RASA1: variants seen among roughly 807,000 people sequenced by gnomAD.
RASA1 encodes the protein ras GTPase-activating protein 1.
A neutral mutation model predicts 132.2 loss-of-function variants in RASA1; 25 were observed. The ratio of observed to expected loss-of-function variants is 0.19; its 90% confidence interval spans 0.14 to 0.26. RASA1 has a LOEUF of 0.26. Ranked by LOEUF, RASA1 falls within the 10% of genes least tolerant of loss-of-function variation. RASA1 has a pLI of 1.00. For missense variants in RASA1, 964 were observed against 1,299.2 expected (o/e 0.74, Z 3.97); for synonymous variants, 477 against 449.9 (o/e 1.06, Z -0.76).
At chr5:87,333,230 CTA>C in intron 3 of RASA1, 35 bp from the exon 4 acceptor site, 14 of 1,604,978 alleles carry the variant, frequency 8.7e-6, no homozygotes, top group Non-Finnish European at 1.1e-5. Flanking sequence ...GATAAAAAGA[CTA>C]TCTTTTTAAA....
At chr5:87,313,013 G>GA (rs1467290662) in intron 1 of RASA1, among the ~76,000 whole-genome samples, 2 of 152,182 alleles carry the variant, frequency 1.3e-5, no homozygotes, top group Non-Finnish European at 2.9e-5. Context: ...TTCCCACAGA[G>GA]AGACTGTGAG....
chr5:87,315,863 A>C (rs1418685884), intron 1 of RASA1, among the ~76,000 whole-genome samples: 3 of 152,202 alleles, frequency 2.0e-5, no homozygotes, highest in Non-Finnish European at 2.9e-5. Context: ...CAGGTTTAAA[A>C]AGTTTAATTT....
Position 87,331,344 on chromosome 5 carries a change from C to G in RASA1, c.540-4C>G. Reference sequence around the variant, plus strand: ...TTGTAATATCTTCTCTGTTTTTCCCCTAGGTGGTATCACGGAAAACTTGAC... The same window carrying G: ...TTGTAATATCTTCTCTGTTTTTCCCGTAGGTGGTATCACGGAAAACTTGAC... On this transcript the variant is annotated splice_polypyrimidine_tract_variant and splice_region_variant and intron_variant, in intron 1 of 24. Coordinates refer to ENST00000274376, the MANE Select transcript of RASA1 (RefSeq NM_002890.3). The G allele has an allele frequency of 1.3e-6, 2 of 1,599,662 alleles. No homozygotes were observed. The highest frequency in any genetic ancestry group is 1.3e-5 in the African/African-American group (1 of 74,658).
chr5:87,331,237 G>GT (rs1561286519), intron 1 of RASA1, 111 bp from the exon 2 acceptor site: 1 of 1,179,528 alleles, frequency 8.5e-7, no homozygotes, highest in Non-Finnish European at 1.3e-6. Context: ...AAATGTAAAT[G>GT]TTTAAGTTAC....
chr5:87,332,161 G>A (rs1284606029), intron 2 of RASA1, among the ~76,000 whole-genome samples: 2 of 152,068 alleles, frequency 1.3e-5, no homozygotes, highest in African/African-American at 2.4e-5. Flanking sequence ...AGATCTGTGA[G>A]CTCCTTTTAG....
intron 1 of RASA1, among the ~76,000 whole-genome samples, chr5:87,280,705 A>G (rs1450076606): frequency 6.6e-6 from 1 of 151,956 alleles, no homozygotes; most frequent in Non-Finnish European, 1.5e-5. Context: ...ATTTTTTTAA[A>G]TTGTTGAGTT....
chr5:87,309,702 C>A (rs1403592197), intron 1 of RASA1, among the ~76,000 whole-genome samples: 1 of 151,720 alleles, frequency 6.6e-6, no homozygotes, highest in Non-Finnish European at 1.5e-5. Context: ...TTGTATATTT[C>A]TTTGATTTTT....
At chr5:87,375,056 C>T (rs917853906) in intron 15 of RASA1, 140 bp downstream of exon 15, 15 of 1,161,004 alleles carry the variant, frequency 1.3e-5, no homozygotes, top group Non-Finnish European at 1.3e-5. Context: ...TTCTGTACTT[C>T]TTAAAGTATT....
At chr5:87,375,375 C>T (rs1462899702) in intron 15 of RASA1, among the ~76,000 whole-genome samples, 1 of 151,882 alleles carries the variant, frequency 6.6e-6, no homozygotes, top group African/African-American at 2.4e-5. Context: ...ATTCTCCTGC[C>T]TCAGCCTCCT....
At chr5:87,388,952 T>C (rs1210056147) in intron 23 of RASA1, among the ~76,000 whole-genome samples, 2 of 152,020 alleles carry the variant, frequency 1.3e-5, no homozygotes, top group Non-Finnish European at 2.9e-5. Context: ...AGAATAGCAA[T>C]AATATTGTAC....
chr5:87,319,002 C>T (rs1756563449), intron 1 of RASA1: 1 of 152,376 alleles, frequency 6.6e-6, no homozygotes, highest in African/African-American at 2.4e-5. Flanking sequence ...AACAAATGGG[C>T]TACAGGCCCC....
chr5:87,273,017 G>A (rs1324119602), intron 1 of RASA1, among the ~76,000 whole-genome samples: 1 of 152,192 alleles, frequency 6.6e-6, no homozygotes, highest in African/African-American at 2.4e-5. Context: ...GGGGGTTTAG[G>A]TCACAGGATT....
At chr5:87,340,753 A>T (rs1165150473) in intron 5 of RASA1, among the ~76,000 whole-genome samples, 1 of 152,154 alleles carries the variant, frequency 6.6e-6, no homozygotes, top group Non-Finnish European at 1.5e-5. Flanking sequence ...TATTTATCTA[A>T]CAAGTAGAAA....
intron 18 of RASA1, among the ~76,000 whole-genome samples, chr5:87,379,457 G>C (rs1455618094): frequency 6.6e-6 from 1 of 152,074 alleles, no homozygotes; most frequent in Admixed American, 6.6e-5. Context: ...ATTCAGAAAA[G>C]CTTTTAATCA....
chr5:87,387,974 T>C (rs1005132752), intron 23 of RASA1, among the ~76,000 whole-genome samples: 6 of 152,198 alleles, frequency 3.9e-5, no homozygotes, highest in Non-Finnish European at 7.4e-5. Context: ...TACTACCATA[T>C]TTCTTCACCA....
intron 1 of RASA1, among the ~76,000 whole-genome samples, chr5:87,313,456 T>TAA (rs1162839042): frequency 1.3e-5 from 2 of 152,220 alleles, no homozygotes. Flanking sequence ...TTTGGCTAGA[T>TAA]ACGTGGATTT....
chr5:87,352,511 G>A (rs1759347712), intron 8 of RASA1, among the ~76,000 whole-genome samples: 1 of 151,192 alleles, frequency 6.6e-6, no homozygotes, highest in Non-Finnish European at 1.5e-5. Context: ...AAAAATACGT[G>A]GTTCACTAAA....
Position 87,374,259 on chromosome 5 carries a change from G to C in RASA1, c.1873G>C (p.Val625Leu), listed in dbSNP as rs148984998. 6.9e-6 allele frequency: 11 copies of C among 1,602,326 alleles called. No individual in the cohort carries two copies. The highest frequency in any genetic ancestry group is 9.4e-6 in the Non-Finnish European group (11 of 1,173,356). Reference sequence around the variant, plus strand: ...TAACATCTACCTGAATAGTGTCCAAGTAGCAAAAACTCATGCAAGGGAAGG... The same window carrying C: ...TAACATCTACCTGAATAGTGTCCAACTAGCAAAAACTCATGCAAGGGAAGG... ...YCNIYLNSVQ[V>L]AKTHAREGQN... Residue 625 changes from valine (V) to leucine (L), a missense_variant, in exon 14 of 25, where the codon GTA (valine) becomes CTA (leucine). Around this residue, in one of 6 missense-constraint regions of RASA1, gnomAD observed 346 missense variants for 520.1 expected, o/e 0.67. Coordinates refer to ENST00000274376, the MANE Select transcript of RASA1 (RefSeq NM_002890.3).
chr5:87,287,326 T>TATATACACACCATATATATACC (rs1754657274), intron 1 of RASA1, among the ~76,000 whole-genome samples: 1 of 147,460 alleles, frequency 6.8e-6, no homozygotes, highest in Non-Finnish European at 1.5e-5. Context: ...ATATACACCA[T>TATATACACACCATATATATACC]ATATACACAC....
Sources: allele counts gnomAD v4.1 joint callset (sites outside exome capture counted in the v4.1 genomes callset), GRCh38; gene constraint gnomAD v4.1.1; regional missense constraint gnomAD v4.1.1; transcripts MANE v1.5; gene names NCBI Gene and HGNC (gene_info 2026-07-23, HGNC 2026-07-21).